Variants in MEI4 observed in about 807,000 individuals in gnomAD.
MEI4 encodes meiotic double-stranded break formation protein 4.
MEI4 carries 27 observed loss-of-function variants against 31.4 expected under a neutral mutation model. That is an observed-to-expected ratio of 0.86 (90% CI 0.63 to 1.19). MEI4 has a LOEUF of 1.19. Ranked by LOEUF, MEI4 falls within the 50% of genes most tolerant of loss-of-function variation. MEI4 has a pLI of 0.00. For missense variants in MEI4, 329 were observed against 398.9 expected (o/e 0.82, Z 1.49); for synonymous variants, 122 against 145.4 (o/e 0.84, Z 1.16).
intron 1 of MEI4, among the ~76,000 whole-genome samples, chr6:77,679,104 G>T (rs1376354043): frequency 1.3e-5 from 2 of 152,004 alleles, no homozygotes; most frequent in East Asian, 3.9e-4. Flanking sequence ...TGTTTATAAG[G>T]TAAAAAGTTT....
chr6:77,800,800 A>G (rs1447275678), intron 3 of MEI4, among the ~76,000 whole-genome samples: 2 of 152,142 alleles, frequency 1.3e-5, no homozygotes, highest in Non-Finnish European at 2.9e-5. Flanking sequence ...AAGTTTATTG[A>G]TTTGCATATG....
intron 2 of MEI4, among the ~76,000 whole-genome samples, chr6:77,734,276 G>T (rs1451187737): frequency 3.3e-5 from 5 of 151,590 alleles, no homozygotes; most frequent in African/African-American, 9.8e-5. Flanking sequence ...CTCTTTGTAG[G>T]TCACTCAGGG....
At chr6:77,788,445 A>C (rs1404838814) in intron 3 of MEI4, among the ~76,000 whole-genome samples, 2 of 152,226 alleles carry the variant, frequency 1.3e-5, no homozygotes, top group Admixed American at 1.3e-4. Flanking sequence ...TTCAATTAGG[A>C]AAAGAGGAAG....
rs1456065401 is a variant in MEI4 at position 77,925,914 on chromosome 6, A to C, written c.*2568A>C. On this transcript the variant is annotated 3_prime_UTR_variant, in exon 5 of 5. Transcript: ENST00000684080. The stretch of plus-strand genomic sequence containing the variant: ...AGCCAGGTACTTACCTAAGCATTTT[A>C]CATATATTAAACTGTTTGATTCTCC... 1 of 150,686 alleles carries C rather than the reference A, an allele frequency of 6.6e-6. No homozygotes were observed. The highest frequency in any genetic ancestry group is 1.5e-5 in the Non-Finnish European group (1 of 67,798). The allele number at this position is 150,686 out of a possible 1,614,324, so 9.3% of individuals were successfully genotyped here.
intron 4 of MEI4, among the ~76,000 whole-genome samples, chr6:77,915,144 C>G (rs142537698): frequency 1.3e-5 from 2 of 152,098 alleles, no homozygotes; most frequent in East Asian, 1.9e-4. Flanking sequence ...TTCCTTTTAT[C>G]TATTTGCTTT....
chr6:77,737,699 G>A (rs987140859), intron 2 of MEI4, among the ~76,000 whole-genome samples: 9 of 152,130 alleles, frequency 5.9e-5, no homozygotes, highest in African/African-American at 2.2e-4. Context: ...CACAGGCAGA[G>A]GGAAGGTTTA....
chr6:77,744,853 C>G (rs1227456792), intron 2 of MEI4, among the ~76,000 whole-genome samples: 3 of 152,208 alleles, frequency 2.0e-5, no homozygotes, highest in Non-Finnish European at 4.4e-5. Flanking sequence ...CCCAGAATTT[C>G]ATATCCAGCC....
chr6:77,668,768 T>C (rs1038612409), intron 1 of MEI4, among the ~76,000 whole-genome samples: 2 of 152,214 alleles, frequency 1.3e-5, no homozygotes, highest in South Asian at 4.1e-4. Flanking sequence ...TATCATAAAA[T>C]GCTATTGTTT....
chr6:77,856,964 C>T (rs181133755), intron 4 of MEI4, among the ~76,000 whole-genome samples: 50 of 152,270 alleles, frequency 3.3e-4, no homozygotes, highest in Non-Finnish European at 2.2e-4. Context: ...AATCTCCTTA[C>T]CACAATTTTG....
intron 3 of MEI4, among the ~76,000 whole-genome samples, chr6:77,797,204 G>C (rs1769103052): frequency 6.6e-6 from 1 of 152,124 alleles, no homozygotes; most frequent in South Asian, 2.1e-4. Context: ...ATGTTTTAAA[G>C]ACTTAAATAT....
chr6:77,672,668 T>G (rs539435009), intron 1 of MEI4, among the ~76,000 whole-genome samples: 1 of 152,318 alleles, frequency 6.6e-6, no homozygotes, highest in Non-Finnish European at 1.5e-5. Context: ...GCCTCCTGAG[T>G]TGCTGAGATT....
chr6:77,805,135 A>G (rs1462799457), intron 3 of MEI4, among the ~76,000 whole-genome samples: 1 of 152,180 alleles, frequency 6.6e-6, no homozygotes, highest in East Asian at 1.9e-4. Flanking sequence ...GAGAAAAAAT[A>G]CCTTTGGGTT....
Position 77,694,408 on chromosome 6 carries a change from C to T in MEI4, c.232+3505C>T, listed in dbSNP as rs9448153. Among the ~76,000 whole-genome samples, 908 of 151,280 alleles carry T rather than the reference C, an allele frequency of 6.0e-3. 13 individuals are homozygous for T. The highest frequency in any genetic ancestry group is 0.021 in the African/African-American group (853 of 41,030). ...GGTATATCTCCTAATGCTATCCCTCCCCCTTCCCCCCACCCCACAACAGAC... is the reference window on the plus strand; with the variant it reads ...GGTATATCTCCTAATGCTATCCCTCTCCCTTCCCCCCACCCCACAACAGAC... On this transcript the variant is annotated intron_variant, in intron 2 of 4. Coordinates refer to ENST00000684080, the MANE Select transcript of MEI4 (RefSeq NM_001322247.2).
chr6:77,662,032 G>A (rs1768522258), intron 1 of MEI4, among the ~76,000 whole-genome samples: 2 of 152,228 alleles, frequency 1.3e-5, no homozygotes, highest in Admixed American at 1.3e-4. Flanking sequence ...AGGCATTAAT[G>A]ATGGAGGACC....
intron 2 of MEI4, among the ~76,000 whole-genome samples, chr6:77,728,281 T>G (rs1564655): frequency 0.32 from 49,002 of 152,066 alleles, 8,220 homozygotes; most frequent in East Asian, 0.48. Context: ...CTAAAGATTG[T>G]AAAAGAAGAA....
chr6:77,744,483 C>G (rs1205006482), intron 2 of MEI4, among the ~76,000 whole-genome samples: 2 of 151,940 alleles, frequency 1.3e-5, no homozygotes, highest in Admixed American at 1.3e-4. Flanking sequence ...AAGACCAAAT[C>G]TACGTCTGAT....
chr6:77,864,959 A>G (rs1164455105), intron 4 of MEI4, among the ~76,000 whole-genome samples: 3 of 152,206 alleles, frequency 2.0e-5, no homozygotes, highest in Non-Finnish European at 4.4e-5. Flanking sequence ...ATGGAAACTG[A>G]ACAACCTGCT....
intron 2 of MEI4, among the ~76,000 whole-genome samples, chr6:77,697,324 G>C (rs1349916483): frequency 6.6e-6 from 1 of 151,964 alleles, no homozygotes; most frequent in African/African-American, 2.4e-5. Flanking sequence ...GAATGTGTTT[G>C]CTCTTGCTTT....
intron 4 of MEI4, among the ~76,000 whole-genome samples, chr6:77,843,471 A>C (rs1770411240): frequency 6.6e-6 from 1 of 151,888 alleles, no homozygotes; most frequent in African/African-American, 2.4e-5. Context: ...TTTAATTCAA[A>C]GCCATAGACC....
Sources: gnomAD v4.1 joint callset for allele counts (sites outside exome capture counted in the v4.1 genomes callset) on GRCh38, gnomAD v4.1.1 for gene constraint, MANE v1.5 for transcripts, NCBI Gene and HGNC (gene_info 2026-07-23, HGNC 2026-07-21) for gene names.